CENPC: variants seen among roughly 807,000 people sequenced by gnomAD.
The protein encoded by CENPC is centromere protein C.
A neutral mutation model predicts 112.1 loss-of-function variants in CENPC; 63 were observed. The observed-to-expected ratio is 0.56, with a 90% CI of 0.46 to 0.69. CENPC has a LOEUF of 0.69. CENPC is among the 30% of genes least tolerant of loss of function. The probability of loss-of-function intolerance (pLI) is 0.00; values close to 1 mark genes in which losing one functional copy is unlikely to be tolerated. For synonymous variants in CENPC, 333 were observed against 367.6 expected (o/e 0.91, Z 1.08); for missense variants, 1,000 against 1,103.8 (o/e 0.91, Z 1.33).
chr4:67,502,199 A>G (rs1323537941), intron 12 of CENPC, among the ~76,000 whole-genome samples: 1 of 152,132 alleles, frequency 6.6e-6, no homozygotes, highest in Non-Finnish European at 1.5e-5. Flanking sequence ...GAAAAAAAAA[A>G]TCCTGAGTCC....
intron 4 of CENPC, 54 bp downstream of exon 4, chr4:67,539,786 A>G: frequency 1.1e-6 from 1 of 918,646 alleles, no homozygotes; most frequent in South Asian, 1.6e-5. Context: ...TATATTGTGT[A>G]TACCTTCATT....
rs1220262503 is a variant in CENPC, at chr4:67,544,146, C to T, written c.65+3G>A. On this transcript the variant is annotated splice_donor_region_variant and intron_variant, in intron 2 of 18. Transcript: ENST00000273853. ...ATCTTAAAAGCTTAAGTACGTAAAT[C>T]ACCTGGAAGGTCGACAAAATCTTCT... 2 of 1,470,776 alleles carry T rather than the reference C, an allele frequency of 1.4e-6. No individual in the cohort carries two copies. Among genetic ancestry groups the T allele is most frequent in the East Asian group, 2.3e-5 (1 of 44,172 alleles). 91.1% of individuals were successfully genotyped at this position (1,470,776 alleles called of 1,614,324 possible).
chr4:67,534,097 C>T (rs1726640595), intron 4 of CENPC, among the ~76,000 whole-genome samples: 1 of 150,804 alleles, frequency 6.6e-6, no homozygotes, highest in Non-Finnish European at 1.5e-5. Context: ...TGTCTTTTGT[C>T]GCAGAAAAAA....
intron 10 of CENPC, 108 bp downstream of exon 10, chr4:67,508,706 G>A: frequency 3.0e-6 from 3 of 985,464 alleles, no homozygotes; most frequent in Middle Eastern, 2.7e-4. Flanking sequence ...ATGTCAGAGT[G>A]CAGAGCTCTT....
At chr4:67,505,102 A>C (rs2109792646) in intron 12 of CENPC, 103 bp downstream of exon 12, 7 of 785,066 alleles carry the variant, frequency 8.9e-6, no homozygotes, top group East Asian at 2.7e-5. Flanking sequence ...GTAGGTACTC[A>C]ATATACACTC....
intron 7 of CENPC, among the ~76,000 whole-genome samples, chr4:67,517,409 G>A (rs948954152): frequency 2.0e-5 from 3 of 151,270 alleles, no homozygotes; most frequent in East Asian, 2.0e-4. Flanking sequence ...TGATCCACCC[G>A]CCTCGGCCTA....
chr4:67,489,232 A>G (rs1577976079), intron 17 of CENPC, among the ~76,000 whole-genome samples: 1 of 151,812 alleles, frequency 6.6e-6, no homozygotes, highest in Middle Eastern at 3.4e-3. Flanking sequence ...ATACACACAT[A>G]TAAAACAGAC....
intron 17 of CENPC, among the ~76,000 whole-genome samples, chr4:67,489,580 G>A (rs1725184164): frequency 6.6e-6 from 1 of 151,958 alleles, no homozygotes; most frequent in South Asian, 2.1e-4. Flanking sequence ...CAGGGTAACT[G>A]GGATGTAAGT....
At chr4:67,479,389 G>A (rs545813515) in intron 17 of CENPC, among the ~76,000 whole-genome samples, 7 of 152,186 alleles carry the variant, frequency 4.6e-5, no homozygotes, top group East Asian at 1.9e-4. Flanking sequence ...GACCACAGTC[G>A]AATAAAATTG....
Position 67,471,354 on chromosome 4 carries a change from A to G in CENPC, c.*1251T>C, listed in dbSNP as rs1724655757. 6.6e-6 allele frequency: 1 copy of G among 152,198 alleles called. No individual in the cohort carries two copies. Among genetic ancestry groups the G allele is most frequent in the Admixed American group, 6.5e-5 (1 of 15,288 alleles). The allele number at this position is 152,198 out of a possible 1,614,324, so 9.4% of individuals were successfully genotyped here. A position where few individuals can be genotyped will look rare whatever the true frequency, so the allele number is the denominator to read the frequency against. ...TATAAAACAAAATTGAGTTGCTACA[A>G]TATGCTACCTAAAATGTCCAGCTGT... On this transcript the variant is annotated 3_prime_UTR_variant, in exon 19 of 19. Transcript: ENST00000273853.
chr4:67,521,784 A>G (rs1345209287), intron 5 of CENPC, among the ~76,000 whole-genome samples: 4 of 152,236 alleles, frequency 2.6e-5, no homozygotes, highest in African/African-American at 9.6e-5. Flanking sequence ...ATGAAATATT[A>G]CCCAGTCTTA....
rs1328636471 is a variant in CENPC at position 67,469,015 on chromosome 4, G to A, written c.*3590C>T. 3.3e-5 allele frequency: 5 copies of A among 152,304 alleles called. No homozygotes were observed. The East Asian group carries it at 9.6e-4, about 29-fold the overall frequency. 9.4% of individuals were successfully genotyped at this position (152,304 alleles called of 1,614,324 possible). A position where few individuals can be genotyped will look rare whatever the true frequency, so the allele number is the denominator to read the frequency against. ...AAACAGTTCTATGTTGATTGCAGTAGTTACACAAATTCACACATATGATGA... is the reference window on the plus strand; with the variant it reads ...AAACAGTTCTATGTTGATTGCAGTAATTACACAAATTCACACATATGATGA... On this transcript the variant is annotated 3_prime_UTR_variant, in exon 19 of 19. Coordinates refer to ENST00000273853, the MANE Select transcript of CENPC (RefSeq NM_001812.4).
intron 12 of CENPC, among the ~76,000 whole-genome samples, chr4:67,496,986 C>T (rs1725450226): frequency 6.7e-6 from 1 of 148,796 alleles, no homozygotes; most frequent in Admixed American, 6.8e-5. Flanking sequence ...GACACTGGGC[C>T]TCGGAGGCAG....
rs564119991 is a variant in CENPC at position 67,525,404 on chromosome 4, C to A, written c.331+5411G>T. ...CCTACAGAATGGGAGAATATTTTTA[C>A]AACCTCTCCATCTGACAAAGGTCTA... On this transcript the variant is annotated intron_variant, in intron 5 of 18. Transcript: ENST00000273853. Among the ~76,000 whole-genome samples, 3 of 152,282 alleles carry A rather than the reference C, an allele frequency of 2.0e-5. No homozygotes were observed. The East Asian group carries it at 5.8e-4, about 29-fold the overall frequency.
At chr4:67,532,804 A>C (rs1434897038) in intron 4 of CENPC, among the ~76,000 whole-genome samples, 1 of 152,230 alleles carries the variant, frequency 6.6e-6, no homozygotes, top group Non-Finnish European at 1.5e-5. Context: ...GTAAATGACG[A>C]GTTAACGGGT....
chr4:67,489,488 G>C (rs1725181582), intron 17 of CENPC, among the ~76,000 whole-genome samples: 1 of 151,790 alleles, frequency 6.6e-6, no homozygotes, highest in African/African-American at 2.4e-5. Flanking sequence ...TTTTTCTCAG[G>C]TTACTGTTTT....
In CENPC at chr4:67,475,744, G is replaced by A. The variant is rs539351862; in HGVS notation, c.2671-766C>T. On this transcript the variant is annotated intron_variant, in intron 17 of 18. Coordinates refer to ENST00000273853, the MANE Select transcript of CENPC (RefSeq NM_001812.4). Reference sequence around the variant, plus strand: ...CTCCTGAGTAGCTGGGACTACAGGCGCCCGCCATCGCGCCTGGCTAATTTT... The same window carrying A: ...CTCCTGAGTAGCTGGGACTACAGGCACCCGCCATCGCGCCTGGCTAATTTT... Among the ~76,000 whole-genome samples the A allele has an allele frequency of 4.6e-5, 7 of 152,114 alleles. No individual in the cohort carries two copies. In the East Asian group the frequency reaches 7.7e-4, roughly 17 times the overall value.
intron 5 of CENPC, among the ~76,000 whole-genome samples, chr4:67,526,830 C>A (rs569432800): frequency 1.3e-5 from 2 of 152,122 alleles, no homozygotes; most frequent in South Asian, 4.1e-4. Flanking sequence ...TAGATAACTA[C>A]ACCCAACAAC....
In CENPC at chr4:67,471,145, ATGATTGGCTGAC is replaced by A. The variant is rs939921563; in HGVS notation, c.*1448_*1459del. The A allele has an allele frequency of 4.3e-4, 65 of 152,358 alleles. No homozygotes were observed. The highest frequency in any genetic ancestry group is 1.5e-3 in the African/African-American group (62 of 41,578). The allele number at this position is 152,358 out of a possible 1,614,324, so 9.4% of individuals were successfully genotyped here. A position where few individuals can be genotyped will look rare whatever the true frequency, so the allele number is the denominator to read the frequency against. ...GTGTTTGATCTTAACCTTTGTCCAA[ATGATTGGCTGAC>A]TGCTAAGCTATGCAGACACAGGAAC... On this transcript the variant is annotated 3_prime_UTR_variant, in exon 19 of 19. Coordinates refer to ENST00000273853, the MANE Select transcript of CENPC (RefSeq NM_001812.4).
Sources: allele counts gnomAD v4.1 joint callset (sites outside exome capture counted in the v4.1 genomes callset), GRCh38; gene constraint gnomAD v4.1.1; transcripts MANE v1.5; gene names NCBI Gene and HGNC (gene_info 2026-07-23, HGNC 2026-07-21).